Variants in TPPP2 observed in about 807,000 individuals in gnomAD.
TPPP2 encodes tubulin polymerization-promoting protein family member 2.
TPPP2 carries 8 observed loss-of-function variants against 13.0 expected under a neutral mutation model. The observed-to-expected ratio is 0.62, with a 90% CI of 0.36 to 1.11. TPPP2 has a LOEUF of 1.11. TPPP2 is among the 50% of genes most tolerant of loss of function. The probability of loss-of-function intolerance (pLI) is 0.02; values close to 1 mark genes in which losing one functional copy is unlikely to be tolerated. For synonymous variants in TPPP2, 81 were observed against 81.8 expected (o/e 0.99, Z 0.05); for missense variants, 213 against 216.9 (o/e 0.98, Z 0.11).
intron 2 of TPPP2, 22 bp from the exon 3 acceptor site, chr14:21,030,990 G>A (rs758017782): frequency 6.3e-7 from 1 of 1,586,546 alleles, no homozygotes; most frequent in African/African-American, 1.4e-5. Flanking sequence ...CAAAGTTTCT[G>A]GATTTCTGTC....
In TPPP2 at chr14:21,025,137, G is replaced by A. The variant is rs530382538; in HGVS notation, n.236+793G>A. On this transcript the variant is annotated intron_variant and non_coding_transcript_variant, in intron 1 of 1. Transcript: ENST00000533755. This position sits in a 1 kb window ranked among gnomAD's most constrained non-coding sequence, Gnocchi z 5.1. ...GGCCCGCCCCAGCCCGCCCACGGGC[G>A]CTAGGCTCCCCGCAGACCCGCCCCA... 1 of 975,900 alleles carries A rather than the reference G, an allele frequency of 1.0e-6. No homozygotes were observed. 60.5% of individuals were successfully genotyped at this position (975,900 alleles called of 1,614,324 possible).
Position 21,032,545 on chromosome 14 carries a change from T to G in TPPP2, c.*468T>G. 2.9e-6 allele frequency: 1 copy of G among 345,662 alleles called. No homozygotes were observed. The highest frequency in any genetic ancestry group is 2.1e-5 in the South Asian group (1 of 46,534). The allele number at this position is 345,662 out of a possible 1,614,324, so 21.4% of individuals were successfully genotyped here. ...CCTCATCTGTTGCAATTCAGGTTTT[T>G]TGGGTGGAGGAGTAGAAGCCAGCTA... On this transcript the variant is annotated 3_prime_UTR_variant, in exon 4 of 4. Transcript: ENST00000321760.
chr14:21,034,524 G>A, downstream of TPPP2: 1 of 539,114 alleles, frequency 1.9e-6, no homozygotes, highest in Non-Finnish European at 3.3e-6. Context: ...AGCCTCTGCA[G>A]AGTCCGTGAG....
At chr14:21,028,516 A>G (rs1037362688), upstream of TPPP2, 9 of 152,188 alleles carry the variant, frequency 5.9e-5, no homozygotes, top group African/African-American at 2.2e-4. Flanking sequence ...GCCCTGCCCA[A>G]GAATAATGTT....
chr14:21,026,454 GC>G (rs946462088), upstream of TPPP2, among the ~76,000 whole-genome samples: 2 of 149,768 alleles, frequency 1.3e-5, no homozygotes, highest in African/African-American at 4.9e-5. Flanking sequence ...AGCACCGACT[GC>G]CCCCCCAAGA....
upstream of TPPP2, among the ~76,000 whole-genome samples, chr14:21,027,025 T>A (rs1883725576): frequency 6.6e-6 from 1 of 152,124 alleles, no homozygotes; most frequent in Non-Finnish European, 1.5e-5. Flanking sequence ...ACCTGAAGGT[T>A]CCAGCATCTA....
Position 21,032,015 on chromosome 14 carries a change from G to C in TPPP2, c.451G>C (p.Asp151His). 6.2e-7 allele frequency: 1 copy of C among 1,614,164 alleles called. No individual in the cohort carries two copies. Among genetic ancestry groups the C allele is most frequent in the Admixed American group, 1.7e-5 (1 of 60,012 alleles). The change falls in exon 4 of 4, where the codon GAC becomes CAC. Residue 151 changes from aspartate (D) to histidine (H), a missense_variant. Coordinates refer to ENST00000321760, the MANE Select transcript of TPPP2 (RefSeq NM_173846.5). ...KGIAGREEMT[D>H]NTGYVSGYKG... ...CATTGCGGGACGGGAAGAGATGACT[G>C]ACAACACAGGCTATGTGAGTGGTTA...
At chr14:21,033,290 G>A (rs562038611), downstream of TPPP2, 213 of 315,280 alleles carry the variant, frequency 6.8e-4, 1 homozygote, top group Non-Finnish European at 1.8e-4. Flanking sequence ...ACTGGGGGTT[G>A]TGGGGAAGTG....
upstream of TPPP2, chr14:21,025,328 A>C (rs1883337840): frequency 1.0e-6 from 1 of 974,316 alleles, no homozygotes; most frequent in Non-Finnish European, 1.2e-6. The surrounding 1 kb of genome is among the most constrained non-coding windows in gnomAD (Gnocchi z 5.1). Context: ...CGGTGTGGGG[A>C]GTGCGGGGAT....
chr14:21,030,524 C>A lies in TPPP2; in HGVS notation c.-58C>A. On this transcript the variant is annotated 5_prime_UTR_variant, in exon 2 of 4. Coordinates refer to ENST00000321760, the MANE Select transcript of TPPP2 (RefSeq NM_173846.5). ...TCATTACTCCACAGTCCTCCCTCCCCCTTCTCCTTCACCCCCAAGTGTCTC... is the reference window on the plus strand; with the variant it reads ...TCATTACTCCACAGTCCTCCCTCCCACTTCTCCTTCACCCCCAAGTGTCTC... 2 of 1,561,396 alleles carry A rather than the reference C, an allele frequency of 1.3e-6. No homozygotes were observed. The highest frequency in any genetic ancestry group is 8.7e-7 in the Non-Finnish European group (1 of 1,146,698).
At chr14:21,025,730 G>T, upstream of TPPP2, 5 of 810,460 alleles carry the variant, frequency 6.2e-6, no homozygotes, top group Non-Finnish European at 7.4e-6. The surrounding 1 kb of genome is among the most constrained non-coding windows in gnomAD (Gnocchi z 5.1). Flanking sequence ...TCCGGGAGAA[G>T]TTGGACAACA....
intron 3 of TPPP2, among the ~76,000 whole-genome samples, 189 bp from the exon 4 acceptor site, chr14:21,031,703 C>T (rs768262212): frequency 3.3e-5 from 5 of 152,186 alleles, no homozygotes; most frequent in Non-Finnish European, 5.9e-5. Context: ...TCCTCCTCCC[C>T]CATGAGTGAA....
upstream of TPPP2, among the ~76,000 whole-genome samples, chr14:21,029,585 C>T (rs945858812): frequency 5.3e-5 from 8 of 152,094 alleles, no homozygotes; most frequent in African/African-American, 1.4e-4. Context: ...CAACAGACAG[C>T]GAGACTCCAT....
chr14:21,026,104 G>A (rs1415829301), upstream of TPPP2, among the ~76,000 whole-genome samples: 3 of 152,030 alleles, frequency 2.0e-5, no homozygotes, highest in African/African-American at 7.2e-5. Context: ...CGTCCCTCTC[G>A]GTGCCCGAGT....
rs1883996968 is a variant in TPPP2 at position 21,030,455 on chromosome 14, G to A, written c.-69-58G>A. ...AAAGGAGAGAGCAACAGGGAAGAGG[G>A]GAGCTGTTCCTGTTGCTGACTGATT... On this transcript the variant is annotated intron_variant, in intron 1 of 3. Coordinates refer to ENST00000321760, the MANE Select transcript of TPPP2 (RefSeq NM_173846.5). 2.0e-5 allele frequency: 19 copies of A among 940,880 alleles called. 1 individual carries two copies. In the South Asian group the frequency reaches 3.2e-4, roughly 16 times the overall value. The allele number at this position is 940,880 out of a possible 1,614,324, so 58.3% of individuals were successfully genotyped here.
rs943741319 is a variant in TPPP2 at position 21,032,389 on chromosome 14, A to G, written c.*312A>G. ...ATGAACCAGATGTGGAGGTAAAAGT[A>G]TCTACTACTTGTGTTCACACATTAC... On this transcript the variant is annotated 3_prime_UTR_variant, in exon 4 of 4. Coordinates refer to ENST00000321760, the MANE Select transcript of TPPP2 (RefSeq NM_173846.5). The G allele has an allele frequency of 2.1e-5, 10 of 474,770 alleles. No homozygotes were observed. The East Asian group carries it at 2.3e-4, about 11-fold the overall frequency. The allele number at this position is 474,770 out of a possible 1,614,324, so 29.4% of individuals were successfully genotyped here.
chr14:21,030,729 G>T lies in TPPP2; in HGVS notation c.148G>T (p.Val50Leu). Residue 50 changes from valine to leucine, a missense_variant, in exon 2 of 4, where the codon GTG (valine) becomes TTG (leucine). Coordinates refer to ENST00000321760, the MANE Select transcript of TPPP2 (RefSeq NM_173846.5). ...TGGCAAGACAGTCACCTCCACGGACGTGGACATCGTGTTCAGCAAAGTCAA... is the reference window on the plus strand; with the variant it reads ...TGGCAAGACAGTCACCTCCACGGACTTGGACATCGTGTTCAGCAAAGTCAA... ...MDGKTVTSTDVDIVFSKVKAK... is the reference protein window; with the variant it reads ...MDGKTVTSTDLDIVFSKVKAK... 1 of 1,614,132 alleles carries T rather than the reference G, an allele frequency of 6.2e-7. No individual in the cohort carries two copies. The highest frequency in any genetic ancestry group is 8.5e-7 in the Non-Finnish European group (1 of 1,180,004).
downstream of TPPP2, chr14:21,034,419 C>G: frequency 1.5e-6 from 1 of 689,268 alleles, no homozygotes; most frequent in Admixed American, 2.9e-5. Context: ...TAACCAAGTT[C>G]TCATGACCCA....
chr14:21,033,724 G>A (rs564252254), downstream of TPPP2: 26 of 918,784 alleles, frequency 2.8e-5, no homozygotes, highest in East Asian at 1.9e-4. Flanking sequence ...TGCCTGCCTC[G>A]TAAGTCAGGA....
Sources: allele counts gnomAD v4.1 joint callset (sites outside exome capture counted in the v4.1 genomes callset), GRCh38; gene constraint gnomAD v4.1.1; non-coding constraint Gnocchi (gnomAD v3.1); transcripts MANE v1.5; gene names NCBI Gene and HGNC (gene_info 2026-07-23, HGNC 2026-07-21).